Variants in PAM observed in about 807,000 individuals in gnomAD.
PAM encodes the protein peptidyl-glycine alpha-amidating monooxygenase.
Under a neutral mutation model 122.1 loss-of-function variants are expected in PAM, and 72 were observed. That is an observed-to-expected ratio of 0.59 (90% confidence interval 0.49 to 0.72). The LOEUF (loss-of-function observed/expected upper bound fraction) is 0.72. Ranked by LOEUF, PAM falls within the 30% of genes least tolerant of loss-of-function variation. PAM has a pLI of 0.00. For synonymous variants in PAM, 389 were observed against 404.4 expected (o/e 0.96, Z 0.46); for missense variants, 1,106 against 1,183.7 (o/e 0.93, Z 0.96).
chr5:102,889,903 T>C (rs916950712), intron 3 of PAM, among the ~76,000 whole-genome samples: 2 of 151,938 alleles, frequency 1.3e-5, no homozygotes, highest in African/African-American at 2.4e-5. Flanking sequence ...CACTTCACCA[T>C]TTCCTAATGG....
At chr5:102,859,033 T>G (rs1214442429) in intron 1 of PAM, among the ~76,000 whole-genome samples, 1 of 152,178 alleles carries the variant, frequency 6.6e-6, no homozygotes, top group Non-Finnish European at 1.5e-5. Context: ...CACATAAAAG[T>G]CTGGCACATA....
chr5:102,932,123 A>G (rs936564687), intron 7 of PAM, among the ~76,000 whole-genome samples: 7 of 152,170 alleles, frequency 4.6e-5, no homozygotes, highest in African/African-American at 1.4e-4. Flanking sequence ...CAATAGCCAA[A>G]TTTTCCAGAA....
intron 16 of PAM, among the ~76,000 whole-genome samples, chr5:102,999,375 T>G (rs1776676864): frequency 6.6e-6 from 1 of 152,202 alleles, no homozygotes; most frequent in African/African-American, 2.4e-5. Flanking sequence ...AGACCTCCTC[T>G]CAGCTGCTTT....
chr5:102,808,357 T>G (rs1477740263), intron 1 of PAM: 1 of 152,212 alleles, frequency 6.6e-6, no homozygotes, highest in Non-Finnish European at 1.5e-5. Flanking sequence ...AGTCAATTAC[T>G]TAGAACAGAT....
At chr5:102,896,498 G>A (rs1420627583) in intron 3 of PAM, among the ~76,000 whole-genome samples, 6 of 151,638 alleles carry the variant, frequency 4.0e-5, no homozygotes. Flanking sequence ...AGAGCTCCCA[G>A]TATGTGTCAG....
At chr5:102,953,085 A>G (rs1759502008) in intron 12 of PAM, among the ~76,000 whole-genome samples, 1 of 152,214 alleles carries the variant, frequency 6.6e-6, no homozygotes, top group Non-Finnish European at 1.5e-5. Context: ...AACCGTTGAC[A>G]GTAGCCTACT....
chr5:102,953,662 A>G (rs1449177846), intron 12 of PAM, among the ~76,000 whole-genome samples: 1 of 152,180 alleles, frequency 6.6e-6, no homozygotes, highest in African/African-American at 2.4e-5. Flanking sequence ...TATAGTCAAT[A>G]TAATGCACTA....
At chr5:102,944,504 G>A (rs1756383389) in intron 7 of PAM, among the ~76,000 whole-genome samples, 1 of 152,142 alleles carries the variant, frequency 6.6e-6, no homozygotes, top group South Asian at 2.1e-4. Context: ...GCATGATAAT[G>A]TTGTACAGAA....
chr5:102,900,555 A>G lies in PAM; in HGVS notation c.211-801A>G, dbSNP rs377712728. Among the ~76,000 whole-genome samples, 12 of 151,728 alleles carry G rather than the reference A, an allele frequency of 7.9e-5. No individual in the cohort carries two copies. The South Asian group carries it at 2.3e-3, about 29-fold the overall frequency. ...GGTTTAGAAATGCCAAATGATTTCT[A>G]TCCATGTTAGTGGAATCTGATCATT... On this transcript the variant is annotated intron_variant, in intron 3 of 25. Transcript: ENST00000438793.
At chr5:102,927,329 C>G (rs1006255764) in intron 7 of PAM, among the ~76,000 whole-genome samples, 1 of 152,216 alleles carries the variant, frequency 6.6e-6, no homozygotes, top group African/African-American at 2.4e-5. Flanking sequence ...CTTGTTACTC[C>G]TGCTGCTGCA....
chr5:102,859,117 T>A (rs563463424), intron 1 of PAM, among the ~76,000 whole-genome samples: 2 of 152,332 alleles, frequency 1.3e-5, no homozygotes, highest in East Asian at 1.9e-4. Flanking sequence ...TTTACAATAC[T>A]ATTTTGTCTT....
At chr5:102,767,681 T>C (rs943530135) in intron 1 of PAM, among the ~76,000 whole-genome samples, 1 of 152,196 alleles carries the variant, frequency 6.6e-6, no homozygotes, top group African/African-American at 2.4e-5. Context: ...GCTAGATTCT[T>C]AATTGCTGTA....
At chr5:103,007,405 A>G in intron 19 of PAM, 52 bp from the exon 20 acceptor site, 6 of 1,483,108 alleles carry the variant, frequency 4.0e-6, no homozygotes, top group Non-Finnish European at 5.6e-6. Flanking sequence ...AGAGAGTCAA[A>G]CTTTGGGTGA....
chr5:102,888,579 T>G (rs148710029), intron 3 of PAM, among the ~76,000 whole-genome samples: 114 of 152,016 alleles, frequency 7.5e-4, no homozygotes, highest in African/African-American at 2.7e-3. Context: ...AAATGTCACC[T>G]CTGTACCTAA....
At chr5:102,820,576 C>CTA (rs1300142402) in intron 1 of PAM, among the ~76,000 whole-genome samples, 40 of 152,148 alleles carry the variant, frequency 2.6e-4, no homozygotes, top group African/African-American at 9.4e-4. Flanking sequence ...AAAAAGATAA[C>CTA]TATTTCATTG....
intron 1 of PAM, among the ~76,000 whole-genome samples, chr5:102,829,909 G>C (rs1303762662): frequency 6.6e-6 from 1 of 151,990 alleles, no homozygotes; most frequent in Admixed American, 6.6e-5. Flanking sequence ...TATACAAACT[G>C]TCTCTGTATA....
At chr5:102,846,355 G>T (rs765573137) in intron 1 of PAM, among the ~76,000 whole-genome samples, 1 of 152,062 alleles carries the variant, frequency 6.6e-6, no homozygotes, top group Non-Finnish European at 1.5e-5. Context: ...CCTTTTCTCT[G>T]GTCTTATTTC....
At position 102,889,367 on chromosome 5, in the gene PAM, A is replaced by G. The variant is rs947291040; in HGVS notation, c.211-11989A>G. On this transcript the variant is annotated intron_variant, in intron 3 of 25. Coordinates refer to ENST00000438793, the MANE Select transcript of PAM (RefSeq NM_001177306.2). ...TTTCTCTAATGATGCCATAGCTCCT[A>G]TCATCTCTCATGGTTATAACAGTTT... 9.2e-5 allele frequency among the ~76,000 whole-genome samples: 14 copies of G among 151,976 alleles called. No individual in the cohort carries two copies. The South Asian group carries it at 2.3e-3, about 25-fold the overall frequency.
chr5:102,765,519 G>A (rs1414668966), intron 1 of PAM, among the ~76,000 whole-genome samples: 1 of 152,132 alleles, frequency 6.6e-6, no homozygotes, highest in Admixed American at 6.5e-5. Context: ...ACTCTGTGAG[G>A]GTTCTTAAGC....
Sources: allele counts gnomAD v4.1 joint callset (sites outside exome capture counted in the v4.1 genomes callset), GRCh38; gene constraint gnomAD v4.1.1; transcripts MANE v1.5; gene names NCBI Gene and HGNC (gene_info 2026-07-23, HGNC 2026-07-21).